Variants in INPP4B observed in about 807,000 individuals in gnomAD.
INPP4B encodes the protein inositol polyphosphate-4-phosphatase type II B.
In INPP4B, 55 loss-of-function variants were observed where a neutral mutation model predicts 122.5. That is an observed-to-expected ratio of 0.45 (90% CI 0.36 to 0.56). The LOEUF is 0.56. Ranked by LOEUF, INPP4B falls within the 20% of genes least tolerant of loss-of-function variation. The pLI is 0.00. For missense variants in INPP4B, 1,000 were observed against 1,097.7 expected (o/e 0.91, Z 1.26); for synonymous variants, 403 against 388.7 (o/e 1.04, Z -0.43).
intron 2 of INPP4B, among the ~76,000 whole-genome samples, chr4:142,623,625 A>T (rs1204346425): frequency 6.6e-6 from 1 of 151,874 alleles, no homozygotes; most frequent in Non-Finnish European, 1.5e-5. Flanking sequence ...TGTGCAGGTT[A>T]GTTACATATG....
At chr4:142,300,408 A>T (rs562224165) in intron 9 of INPP4B, among the ~76,000 whole-genome samples, 119 of 152,328 alleles carry the variant, frequency 7.8e-4, no homozygotes, top group Non-Finnish European at 1.2e-3. Flanking sequence ...TTTTATTTAC[A>T]GAAACTACAA....
intron 9 of INPP4B, among the ~76,000 whole-genome samples, chr4:142,295,346 G>C (rs1294649624): frequency 6.6e-6 from 1 of 152,134 alleles, no homozygotes; most frequent in African/African-American, 2.4e-5. Flanking sequence ...TGTGGATGGG[G>C]GTATAGCACC....
At chr4:142,448,135 C>T (rs537895335) in intron 3 of INPP4B, among the ~76,000 whole-genome samples, 1 of 152,036 alleles carries the variant, frequency 6.6e-6, no homozygotes, top group South Asian at 2.1e-4. Context: ...GGATGTGAGG[C>T]ATCACATGAT....
intron 2 of INPP4B, among the ~76,000 whole-genome samples, chr4:142,601,364 C>G (rs937802161): frequency 6.6e-6 from 1 of 151,896 alleles, no homozygotes; most frequent in Admixed American, 6.6e-5. Flanking sequence ...ATTTTCATAA[C>G]AGTATGGTAT....
At chr4:142,422,693 G>A (rs1807198220) in intron 5 of INPP4B, among the ~76,000 whole-genome samples, 1 of 151,996 alleles carries the variant, frequency 6.6e-6, no homozygotes, top group African/African-American at 2.4e-5. Context: ...TGCACCTGTG[G>A]TCCTAGCTAC....
chr4:142,388,010 G>A lies in INPP4B; in HGVS notation c.372+14928C>T, dbSNP rs192902568. 2.7e-3 allele frequency among the ~76,000 whole-genome samples: 416 copies of A among 152,286 alleles called. 3 individuals are homozygous for A. Among genetic ancestry groups the A allele is most frequent in the African/African-American group, 9.3e-3 (388 of 41,574 alleles). ...AAAACTATCTGGTTAATGTCTGTGCGACCTTTATTATTTGCTGATTCTCTT... is the reference window on the plus strand; with the variant it reads ...AAAACTATCTGGTTAATGTCTGTGCAACCTTTATTATTTGCTGATTCTCTT... On this transcript the variant is annotated intron_variant, in intron 7 of 25. Transcript: ENST00000262992.
intron 18 of INPP4B, among the ~76,000 whole-genome samples, chr4:142,132,822 T>C (rs553473351): frequency 1.2e-4 from 19 of 152,336 alleles, no homozygotes; most frequent in African/African-American, 4.6e-4. Context: ...CTAATTCCCT[T>C]TACAGCTCCT....
intron 2 of INPP4B, among the ~76,000 whole-genome samples, chr4:142,708,756 G>A (rs575100779): frequency 2.0e-4 from 30 of 152,304 alleles, no homozygotes; most frequent in Admixed American, 5.2e-4. Flanking sequence ...ATCTCTACTA[G>A]GGCAATATGG....
chr4:142,074,918 T>C (rs181874624), intron 25 of INPP4B, among the ~76,000 whole-genome samples: 4 of 152,026 alleles, frequency 2.6e-5, no homozygotes, highest in Admixed American at 2.6e-4. Context: ...ATTGTATGCA[T>C]CCTTAAGACA....
chr4:142,469,943 C>T (rs1335326317), intron 2 of INPP4B, among the ~76,000 whole-genome samples: 1 of 152,018 alleles, frequency 6.6e-6, no homozygotes, highest in African/African-American at 2.4e-5. Flanking sequence ...ATTGTTGAGA[C>T]AGTTGCCTAT....
intron 7 of INPP4B, among the ~76,000 whole-genome samples, chr4:142,374,745 C>T (rs569195416): frequency 3.3e-5 from 5 of 151,832 alleles, no homozygotes; most frequent in Non-Finnish European, 7.4e-5. Context: ...CAACCAGAAT[C>T]TCCAAATATG....
intron 15 of INPP4B, among the ~76,000 whole-genome samples, chr4:142,174,714 T>C (rs1426766597): frequency 1.3e-5 from 2 of 152,060 alleles, no homozygotes. Flanking sequence ...ATCATCTAAC[T>C]CTTTGTCGGC....
rs1402304297 is a variant in INPP4B at position 142,283,138 on chromosome 4, G to A, written c.504-12364C>T. Among the ~76,000 whole-genome samples the A allele has an allele frequency of 2.6e-5, 4 of 152,012 alleles. No homozygotes were observed. The South Asian group carries it at 6.2e-4, about 24-fold the overall frequency. ...ATTTTAGTTTTATTTTTAAGGTAGA[G>A]CTAATAAGATACTGTGACTGACTGG... On this transcript the variant is annotated intron_variant, in intron 9 of 25. Coordinates refer to ENST00000262992, the MANE Select transcript of INPP4B (RefSeq NM_001101669.3).
intron 1 of INPP4B, among the ~76,000 whole-genome samples, chr4:142,797,493 CAT>C (rs1777415310): frequency 6.6e-6 from 1 of 151,804 alleles, no homozygotes; most frequent in African/African-American, 2.4e-5. Context: ...AGAGAAAAGA[CAT>C]AAAATATCTA....
At chr4:142,239,478 G>A (rs1420685024) in intron 11 of INPP4B, among the ~76,000 whole-genome samples, 1 of 152,072 alleles carries the variant, frequency 6.6e-6, no homozygotes, top group East Asian at 1.9e-4. Flanking sequence ...TGTCAATTTG[G>A]TTGTTTACAG....
rs1834267141 is a variant in INPP4B at position 142,188,518 on chromosome 4, A to AAAAAAAAAAAAAAAAAAAT, written c.1181+4568_1181+4569insATTTTTTTTTTTTTTTTTT. Among the ~76,000 whole-genome samples, 2 of 105,096 alleles carry AAAAAAAAAAAAAAAAAAAT rather than the reference A, an allele frequency of 1.9e-5. 1 individual carries two copies. The highest frequency in any genetic ancestry group is 3.8e-5 in the Non-Finnish European group (2 of 53,206). 68.9% of individuals were successfully genotyped at this position (105,096 alleles called of 152,430 possible). ...AAAAAAAAAAAAAAAAAAGAAAAAA[A>AAAAAAAAAAAAAAAAAAAT]ATATATATAGCTTGACTTATGAGTT... On this transcript the variant is annotated intron_variant, in intron 15 of 25. Transcript: ENST00000262992.
At chr4:142,103,902 A>C (rs1785718352) in intron 23 of INPP4B, among the ~76,000 whole-genome samples, 1 of 152,026 alleles carries the variant, frequency 6.6e-6, no homozygotes, top group African/African-American at 2.4e-5. Context: ...TTTTGTATAC[A>C]ATCCTTATTG....
chr4:142,782,808 A>G (rs1368703686), intron 1 of INPP4B, among the ~76,000 whole-genome samples: 1 of 152,140 alleles, frequency 6.6e-6, no homozygotes, highest in Non-Finnish European at 1.5e-5. Flanking sequence ...TACTGGTACC[A>G]AAACAGAGAT....
At chr4:142,499,509 C>T (rs966240990) in intron 2 of INPP4B, among the ~76,000 whole-genome samples, 4 of 152,046 alleles carry the variant, frequency 2.6e-5, no homozygotes, top group East Asian at 1.9e-4. Context: ...CTCATTGAGG[C>T]GATTAAGATT....
Sources: allele counts gnomAD v4.1 joint callset (sites outside exome capture counted in the v4.1 genomes callset), GRCh38; gene constraint gnomAD v4.1.1; transcripts MANE v1.5; gene names NCBI Gene and HGNC (gene_info 2026-07-23, HGNC 2026-07-21).